Variants in MCPH1 observed in about 807,000 individuals in gnomAD.
MCPH1 encodes microcephalin.
Under a neutral mutation model 84.5 loss-of-function variants are expected in MCPH1, and 104 were observed. The observed-to-expected ratio is 1.23, with a 90% CI of 1.05 to 1.45. The LOEUF (loss-of-function observed/expected upper bound fraction) is 1.45. MCPH1 is among the 40% of genes most tolerant of loss of function. MCPH1 has a pLI of 0.00. For missense variants in MCPH1, 1,498 were observed against 1,005.7 expected (o/e 1.49, Z -6.62); for synonymous variants, 514 against 366.8 (o/e 1.40, Z -4.58).
intron 3 of MCPH1, among the ~76,000 whole-genome samples, chr8:6,427,381 G>C (rs561587411): frequency 6.6e-6 from 1 of 152,038 alleles, no homozygotes; most frequent in South Asian, 2.1e-4. Flanking sequence ...ATACTATAAC[G>C]TTTTTTTAAA....
chr8:6,509,478 G>A (rs144714564), intron 12 of MCPH1, among the ~76,000 whole-genome samples: 2 of 152,312 alleles, frequency 1.3e-5, no homozygotes, highest in African/African-American at 4.8e-5. Flanking sequence ...GGCCCCGGGG[G>A]GGATGGAGAA....
At chr8:6,538,516 C>T (rs892045696) in intron 12 of MCPH1, among the ~76,000 whole-genome samples, 6 of 152,190 alleles carry the variant, frequency 3.9e-5, no homozygotes, top group Admixed American at 3.9e-4. Flanking sequence ...GACTGGCGCC[C>T]CTGATCTTGT....
At chr8:6,453,324 A>G (rs201740577) in intron 8 of MCPH1, among the ~76,000 whole-genome samples, 1 of 152,066 alleles carries the variant, frequency 6.6e-6, no homozygotes. Flanking sequence ...TGTTTTAAAT[A>G]AAATCATTTA....
intron 12 of MCPH1, among the ~76,000 whole-genome samples, chr8:6,568,581 C>T (rs1452163860): frequency 6.6e-6 from 1 of 152,140 alleles, no homozygotes; most frequent in Non-Finnish European, 1.5e-5. Flanking sequence ...GCTTTTCCAA[C>T]CTGTACCATC....
intron 12 of MCPH1, among the ~76,000 whole-genome samples, chr8:6,513,517 T>TAGAG (rs1815618453): frequency 6.6e-6 from 1 of 152,030 alleles, no homozygotes; most frequent in Admixed American, 6.5e-5. Flanking sequence ...GTACTTCTAG[T>TAGAG]AGAGACAGGG....
intron 12 of MCPH1, among the ~76,000 whole-genome samples, chr8:6,594,462 T>C (rs1354443389): frequency 6.6e-6 from 1 of 152,180 alleles, no homozygotes; most frequent in Admixed American, 6.5e-5. Context: ...TGGGCCCTCA[T>C]AGAAGCTCCT....
intron 13 of MCPH1, chr8:6,634,981 G>A (rs1342706916): frequency 2.6e-5 from 4 of 152,208 alleles, no homozygotes; most frequent in African/African-American, 7.2e-5. Context: ...GCCAACGCTT[G>A]CAACACAGTG....
chr8:6,533,615 A>T (rs1019960172), intron 12 of MCPH1, among the ~76,000 whole-genome samples: 1 of 135,704 alleles, frequency 7.4e-6, no homozygotes, highest in Non-Finnish European at 1.5e-5. Context: ...GATGGGAACC[A>T]TTCTTCCATT....
intron 5 of MCPH1, among the ~76,000 whole-genome samples, chr8:6,436,900 G>A (rs1410646280): frequency 6.6e-6 from 1 of 152,000 alleles, no homozygotes; most frequent in Non-Finnish European, 1.5e-5. Flanking sequence ...AACCTGGGAG[G>A]CAGAGCTTGC....
intron 8 of MCPH1, among the ~76,000 whole-genome samples, chr8:6,454,230 G>A (rs1444795532): frequency 6.6e-6 from 1 of 152,170 alleles, no homozygotes; most frequent in South Asian, 2.1e-4. Context: ...CCCTAAGTGT[G>A]GGACTATATC....
intron 9 of MCPH1, among the ~76,000 whole-genome samples, chr8:6,470,136 A>G (rs1350009218): frequency 6.6e-6 from 1 of 152,136 alleles, no homozygotes; most frequent in Non-Finnish European, 1.5e-5. Flanking sequence ...TAAATTTGTG[A>G]GATGTGTCTA....
chr8:6,552,587 G>C (rs1344323975), intron 12 of MCPH1, among the ~76,000 whole-genome samples: 1 of 152,088 alleles, frequency 6.6e-6, no homozygotes, highest in Non-Finnish European at 1.5e-5. Flanking sequence ...GTGTCTTTCT[G>C]GTGTTCCTAT....
chr8:6,453,071 G>T lies in MCPH1; in HGVS notation c.1826-2072G>T, dbSNP rs1805267605. On this transcript the variant is annotated intron_variant, in intron 8 of 13. Coordinates refer to ENST00000344683, the MANE Select transcript of MCPH1 (RefSeq NM_024596.5). ...GAAATCACCTTGGGGAGTGAGAAGGGAGCTGATGACAACCCATGAAAAAAC... is the reference window on the plus strand; with the variant it reads ...GAAATCACCTTGGGGAGTGAGAAGGTAGCTGATGACAACCCATGAAAAAAC... Among the ~76,000 whole-genome samples the T allele has an allele frequency of 2.6e-5, 4 of 152,180 alleles. No individual in the cohort carries two copies. In the South Asian group the frequency reaches 6.2e-4, roughly 24 times the overall value.
At chr8:6,469,753 C>G (rs2442496) in intron 9 of MCPH1, among the ~76,000 whole-genome samples, 98,845 of 152,106 alleles carry the variant, frequency 0.65, 36,028 homozygotes, top group Non-Finnish European at 0.81. Flanking sequence ...ATCTGTTTAA[C>G]TTGACCTATC....
chr8:6,584,584 C>G (rs553391293), intron 12 of MCPH1, among the ~76,000 whole-genome samples: 1 of 152,214 alleles, frequency 6.6e-6, no homozygotes, highest in South Asian at 2.1e-4. Context: ...ATCATTATAA[C>G]CGGGGGAGGA....
chr8:6,583,176 G>C (rs745857555), intron 12 of MCPH1, among the ~76,000 whole-genome samples: 5 of 151,808 alleles, frequency 3.3e-5, no homozygotes, highest in African/African-American at 4.8e-5. Flanking sequence ...TTTTTTTTCA[G>C]AGTGATTTTT....
intron 3 of MCPH1, among the ~76,000 whole-genome samples, chr8:6,425,940 C>G (rs893866449): frequency 3.3e-5 from 5 of 152,116 alleles, no homozygotes; most frequent in African/African-American, 9.7e-5. Context: ...TCAGCCACCC[C>G]CCTTTTGCTG....
chr8:6,621,101 C>A (rs1157956476), intron 12 of MCPH1: 1 of 357,278 alleles, frequency 2.8e-6, no homozygotes, highest in African/African-American at 2.1e-5. Context: ...GTCACTTGCA[C>A]ACGTCACCAA....
At position 6,563,009 on chromosome 8, in the gene MCPH1, G is replaced by T. The variant is rs1250200925; in HGVS notation, c.2215-58445G>T. On this transcript the variant is annotated intron_variant, in intron 12 of 13. Coordinates refer to ENST00000344683, the MANE Select transcript of MCPH1 (RefSeq NM_024596.5). ...ACGTCCAGAGTCCCGAGCTGCTGCCGTCTAAAACGCAGGGCTGCTACGCTG... is the reference window on the plus strand; with the variant it reads ...ACGTCCAGAGTCCCGAGCTGCTGCCTTCTAAAACGCAGGGCTGCTACGCTG... 5.4e-6 allele frequency: 8 copies of T among 1,481,424 alleles called. No homozygotes were observed. In the Admixed American group the frequency reaches 1.0e-4, roughly 19 times the overall value. The allele number at this position is 1,481,424 out of a possible 1,614,324, so 91.8% of individuals were successfully genotyped here.
Sources: allele counts gnomAD v4.1 joint callset (sites outside exome capture counted in the v4.1 genomes callset), GRCh38; gene constraint gnomAD v4.1.1; transcripts MANE v1.5; gene names NCBI Gene and HGNC (gene_info 2026-07-23, HGNC 2026-07-21).